F13A1: variants seen among roughly 807,000 people sequenced by gnomAD.
The protein encoded by F13A1 is coagulation factor XIII A chain.
In F13A1, 47 loss-of-function variants were observed where a neutral mutation model predicts 80.1. That is an observed-to-expected ratio of 0.59 (90% CI 0.46 to 0.75). The LOEUF (loss-of-function observed/expected upper bound fraction) is 0.75. Ranked by LOEUF, F13A1 falls within the 30% of genes least tolerant of loss-of-function variation. The pLI is 0.00. For synonymous variants in F13A1, 349 were observed against 344.9 expected, an observed-to-expected ratio of 1.01 and a Z score of -0.13; for missense variants, 817 against 930.4, an observed-to-expected ratio of 0.88 and a Z score of 1.59.
At chr6:6,205,499 A>C (rs1209206059) in intron 8 of F13A1, among the ~76,000 whole-genome samples, 1 of 152,250 alleles carries the variant, frequency 6.6e-6, no homozygotes, top group East Asian at 1.9e-4. Flanking sequence ...ATTTCCATCC[A>C]CAAAGTCTTT....
chr6:6,179,945 G>A (rs926827422), intron 11 of F13A1, among the ~76,000 whole-genome samples: 3 of 152,078 alleles, frequency 2.0e-5, no homozygotes, highest in Non-Finnish European at 4.4e-5. Context: ...CTTTCCTCTC[G>A]TGGCATCTGA....
At chr6:6,318,379 C>T (rs1382172880) in intron 2 of F13A1, among the ~76,000 whole-genome samples, 156 bp downstream of exon 2, 8 of 152,192 alleles carry the variant, frequency 5.3e-5, no homozygotes, top group Non-Finnish European at 1.0e-4. Context: ...TAAAAGAAAG[C>T]TTTTGCTTTC....
chr6:6,293,996 A>G (rs192575634), intron 3 of F13A1, among the ~76,000 whole-genome samples: 82 of 152,318 alleles, frequency 5.4e-4, no homozygotes, highest in Non-Finnish European at 8.5e-4. Context: ...ATTGGAAGCA[A>G]CTAAGTATAA....
intron 8 of F13A1, among the ~76,000 whole-genome samples, chr6:6,201,100 T>A (rs970565187): frequency 6.6e-6 from 1 of 152,272 alleles, no homozygotes; most frequent in East Asian, 1.9e-4. Flanking sequence ...TGCTACACCA[T>A]CACCCTAGAT....
chr6:6,192,287 AAAG>A (rs1761215035), intron 10 of F13A1, among the ~76,000 whole-genome samples: 1 of 152,096 alleles, frequency 6.6e-6, no homozygotes, highest in Non-Finnish European at 1.5e-5. Context: ...ATTTACATTT[AAAG>A]AATAATTCTC....
In F13A1 at chr6:6,243,041, G is replaced by C. The variant is rs145005964; in HGVS notation, c.798+5271C>G. On this transcript the variant is annotated intron_variant, in intron 6 of 14. Coordinates refer to ENST00000264870, the MANE Select transcript of F13A1 (RefSeq NM_000129.4). This position sits in a 1 kb window ranked among gnomAD's most constrained non-coding sequence, Gnocchi z 4.2. ...GTTCACAATTGTACTCCAGTGTTCA[G>C]ACTGGTAGATTGCCATAAACATTTG... Among the ~76,000 whole-genome samples, 49 of 152,226 alleles carry C rather than the reference G, an allele frequency of 3.2e-4. No individual in the cohort carries two copies. Among genetic ancestry groups the C allele is most frequent in the African/African-American group, 1.2e-3 (48 of 41,522 alleles).
At chr6:6,175,053 A>G (rs1760858126) in intron 11 of F13A1, among the ~76,000 whole-genome samples, 186 bp from the exon 12 acceptor site, 1 of 152,196 alleles carries the variant, frequency 6.6e-6, no homozygotes, top group Non-Finnish European at 1.5e-5. Context: ...ATTGCCAGAC[A>G]GTCAGTGACC....
intron 3 of F13A1, among the ~76,000 whole-genome samples, chr6:6,276,533 T>C (rs149173169): frequency 6.6e-6 from 1 of 152,372 alleles, no homozygotes; most frequent in African/African-American, 2.4e-5. Context: ...GAGCAGTTTC[T>C]ATTTGCTCTA....
At chr6:6,146,235 C>A (rs1365196192) in intron 14 of F13A1, among the ~76,000 whole-genome samples, 1 of 152,190 alleles carries the variant, frequency 6.6e-6, no homozygotes, top group Admixed American at 6.5e-5. Flanking sequence ...TTAGCTTTTG[C>A]CAACTCCCTT....
chr6:6,266,630 G>A lies in F13A1; in HGVS notation c.499C>T (p.Pro167Ser). 1 of 1,614,216 alleles carries A rather than the reference G, an allele frequency of 6.2e-7. No homozygotes were observed. Among genetic ancestry groups the A allele is most frequent in the East Asian group, 2.2e-5 (1 of 44,884 alleles). The change falls in exon 4 of 15, where the codon CCC becomes TCC. Residue 167 changes from proline (P) to serine (S), a missense_variant. Coordinates refer to ENST00000264870, the MANE Select transcript of F13A1 (RefSeq NM_000129.4). ...KFRMYVAVWT[P>S]YGVLRTSRNP... is the part of the protein sequence containing the mutation. ...CGACTGGTTCGAAGTACGCCATAGG[G>A]AGTCCAGACAGCAACATACATGCGG... is the stretch of plus-strand genomic sequence containing the variant.
chr6:6,173,293 G>A (rs577656534), intron 12 of F13A1, among the ~76,000 whole-genome samples: 10 of 152,252 alleles, frequency 6.6e-5, no homozygotes, highest in African/African-American at 2.2e-4. Flanking sequence ...GAAAATGCTT[G>A]GAAGGATGTG....
At chr6:6,267,412 C>G (rs1163654133) in intron 3 of F13A1, among the ~76,000 whole-genome samples, 3 of 152,214 alleles carry the variant, frequency 2.0e-5, no homozygotes, top group Non-Finnish European at 2.9e-5. Flanking sequence ...TCAGGAGCCC[C>G]TCCATAAACC....
At chr6:6,199,609 C>CTGAA (rs1761356557) in intron 8 of F13A1, among the ~76,000 whole-genome samples, 1 of 152,130 alleles carries the variant, frequency 6.6e-6, no homozygotes, top group Admixed American at 6.5e-5. Flanking sequence ...TGATAGAGCT[C>CTGAA]TGAAATCCAC....
intron 3 of F13A1, among the ~76,000 whole-genome samples, chr6:6,290,953 T>C (rs78360381): frequency 0.016 from 2,363 of 152,308 alleles, 66 homozygotes; most frequent in African/African-American, 0.054. Flanking sequence ...AGAAAGTATG[T>C]TATGTATGTG....
At chr6:6,239,406 A>G (rs1396520288) in intron 6 of F13A1, among the ~76,000 whole-genome samples, 2 of 152,202 alleles carry the variant, frequency 1.3e-5, no homozygotes, top group Admixed American at 1.3e-4. Flanking sequence ...TACCCCAATC[A>G]AAAGTCATTG....
Position 6,250,921 on chromosome 6 carries a change from C to A in F13A1, c.580G>T (p.Val194Leu). Reference sequence around the variant, plus strand: ...CTTTCTTTCTCATTGTCCAGATACACAGCATCATCTGCATCAGGGTTTAAA... The same window carrying A: ...CTTTCTTTCTCATTGTCCAGATACAAAGCATCATCTGCATCAGGGTTTAAA... ...LFNPWCEDDA[V>L]YLDNEKEREE... The change falls in exon 5 of 15, where the codon GTG becomes TTG. Residue 194 changes from valine to leucine, a missense_variant. Val to Leu is a conservative substitution (Grantham distance 32, BLOSUM62 1). Coordinates refer to ENST00000264870, the MANE Select transcript of F13A1 (RefSeq NM_000129.4). This position sits in a 1 kb window ranked among gnomAD's most constrained non-coding sequence, Gnocchi z 4.2. 1 of 1,605,342 alleles carries A rather than the reference C, an allele frequency of 6.2e-7. No homozygotes were observed. The highest frequency in any genetic ancestry group is 1.1e-5 in the South Asian group (1 of 90,930).
intron 9 of F13A1, among the ~76,000 whole-genome samples, chr6:6,196,481 C>A (rs1183533242): frequency 6.6e-6 from 1 of 152,088 alleles, no homozygotes; most frequent in Non-Finnish European, 1.5e-5. Flanking sequence ...GATATATATA[C>A]CAGAACACCA....
intron 8 of F13A1, among the ~76,000 whole-genome samples, chr6:6,212,935 G>C (rs889835864): frequency 1.3e-5 from 2 of 152,164 alleles, no homozygotes; most frequent in Non-Finnish European, 2.9e-5. Flanking sequence ...ATCAGCGATG[G>C]AAGATGAAAT....
At position 6,145,623 on chromosome 6, in the gene F13A1, A is replaced by T. The variant is rs771213534; in HGVS notation, c.2195T>A (p.Met732Lys). Residue 732 changes from methionine (M) to lysine (K), a missense_variant, in exon 15 of 15, where the codon ATG becomes AAG. Transcript: ENST00000264870. ...LDVQIQRRPSM is the reference protein window; with the variant it reads ...LDVQIQRRPSK ...TCATCTCAGCTTCCTGTGCATTCAC[A>T]TGGAAGGTCGTCTTTGAATCTGCAC... The T allele has an allele frequency of 1.9e-6, 3 of 1,614,036 alleles. No individual in the cohort carries two copies. Among genetic ancestry groups the T allele is most frequent in the African/African-American group, 2.7e-5 (2 of 74,938 alleles).
Sources: gnomAD v4.1 joint callset for allele counts (sites outside exome capture counted in the v4.1 genomes callset) on GRCh38, gnomAD v4.1.1 for gene constraint, Gnocchi (gnomAD v3.1) non-coding constraint, MANE v1.5 for transcripts, NCBI Gene and HGNC (gene_info 2026-07-23, HGNC 2026-07-21) for gene names.